GRID2: variants seen among roughly 807,000 people sequenced by gnomAD.
GRID2 encodes glutamate ionotropic receptor delta type subunit 2, also known as glutamate receptor ionotropic, delta-2.
GRID2 carries 33 observed loss-of-function variants against 114.8 expected under a neutral mutation model. The ratio of observed to expected loss-of-function variants is 0.29; its 90% CI spans 0.22 to 0.38. The LOEUF (loss-of-function observed/expected upper bound fraction) is 0.38, where lower values mean the gene tolerates loss of function less well. Among genes scored for constraint, GRID2 ranks in the 10% least tolerant of loss-of-function variants. The pLI is 1.00. For synonymous variants in GRID2, 505 were observed against 449.9 expected, an observed-to-expected ratio of 1.12 and a Z score of -1.55; for missense variants, 1,184 against 1,257.7, an observed-to-expected ratio of 0.94 and a Z score of 0.89.
At chr4:93,386,671 C>A (rs897148311) in intron 8 of GRID2, among the ~76,000 whole-genome samples, 5 of 152,148 alleles carry the variant, frequency 3.3e-5, no homozygotes, top group Non-Finnish European at 5.9e-5. Flanking sequence ...TTTTGGATAA[C>A]TGTCTTACTG....
chr4:92,977,372 G>A (rs1753942244), intron 2 of GRID2, among the ~76,000 whole-genome samples: 1 of 152,062 alleles, frequency 6.6e-6, no homozygotes, highest in South Asian at 2.1e-4. Context: ...GAAATACAAG[G>A]GTTCAAGGTT....
At chr4:93,604,275 T>C (rs963215328) in intron 13 of GRID2, among the ~76,000 whole-genome samples, 1 of 152,186 alleles carries the variant, frequency 6.6e-6, no homozygotes, top group South Asian at 2.1e-4. Context: ...CTTAACACTT[T>C]AGTAGAGGAA....
At chr4:92,581,997 T>C (rs916120745) in intron 1 of GRID2, among the ~76,000 whole-genome samples, 1 of 151,968 alleles carries the variant, frequency 6.6e-6, no homozygotes, top group African/African-American at 2.4e-5. Flanking sequence ...TGCTTTCCTA[T>C]AGGCTAACTA....
At chr4:93,597,250 CT>C (rs2149631583) in intron 13 of GRID2, among the ~76,000 whole-genome samples, 1 of 152,242 alleles carries the variant, frequency 6.6e-6, no homozygotes, top group African/African-American at 2.4e-5. Flanking sequence ...AATTAATTTA[CT>C]TTGTTGAGTC....
intron 2 of GRID2, among the ~76,000 whole-genome samples, chr4:93,068,640 A>T (rs1728526076): frequency 6.6e-6 from 1 of 151,868 alleles, no homozygotes; most frequent in Non-Finnish European, 1.5e-5. Context: ...TGCTTCTTTG[A>T]TATATATCCA....
chr4:93,648,886 G>C (rs1722344705), intron 14 of GRID2, among the ~76,000 whole-genome samples: 1 of 151,904 alleles, frequency 6.6e-6, no homozygotes, highest in Non-Finnish European at 1.5e-5. Context: ...AACACATACA[G>C]TTGCTACTAC....
intron 14 of GRID2, among the ~76,000 whole-genome samples, chr4:93,682,409 G>A (rs2110094765): frequency 6.6e-6 from 1 of 151,946 alleles, no homozygotes; most frequent in South Asian, 2.1e-4. Flanking sequence ...AATACCATTT[G>A]ACCCAGCCAT....
rs1252217556 is a variant in GRID2 at position 93,485,867 on chromosome 4, C to A, written c.1859-4772C>A. ...TATAAACTTTACATTCAGCTTCAAG[C>A]ACATTTACTTGTGCACACACACATA... On this transcript the variant is annotated intron_variant, in intron 11 of 15. Transcript: ENST00000282020. Among the ~76,000 whole-genome samples, 3 of 151,788 alleles carry A rather than the reference C, an allele frequency of 2.0e-5. No homozygotes were observed. In the East Asian group the frequency reaches 5.8e-4, roughly 30 times the overall value.
chr4:93,436,307 C>A lies in GRID2; in HGVS notation c.1545+13339C>A, dbSNP rs1047760186. ...CTTAGATTTCATCCTCTTATCTATC[C>A]CAACATAAACATAGATTCTCTTTTA... is the stretch of plus-strand genomic sequence containing the variant. On this transcript the variant is annotated intron_variant, in intron 10 of 15. Coordinates refer to ENST00000282020, the MANE Select transcript of GRID2 (RefSeq NM_001510.4). Among the ~76,000 whole-genome samples, 3 of 151,986 alleles carry A rather than the reference C, an allele frequency of 2.0e-5. No individual in the cohort carries two copies. In the East Asian group the frequency reaches 5.8e-4, roughly 29 times the overall value.
chr4:92,521,409 CAATT>C (rs1724771454), intron 1 of GRID2, among the ~76,000 whole-genome samples: 2 of 151,824 alleles, frequency 1.3e-5, no homozygotes, highest in Non-Finnish European at 2.9e-5. Context: ...ATAGTATCGA[CAATT>C]TATTTAAAAG....
intron 2 of GRID2, among the ~76,000 whole-genome samples, chr4:92,850,529 C>T (rs1412244533): frequency 6.6e-6 from 1 of 151,850 alleles, no homozygotes; most frequent in Non-Finnish European, 1.5e-5. Context: ...TAGAAGATCA[C>T]AGACATTCAT....
At chr4:92,938,945 G>A (rs575096990) in intron 2 of GRID2, among the ~76,000 whole-genome samples, 1 of 146,672 alleles carries the variant, frequency 6.8e-6, no homozygotes, top group Non-Finnish European at 1.5e-5. Flanking sequence ...GTGCCACATT[G>A]TCTTAATCCA....
intron 2 of GRID2, among the ~76,000 whole-genome samples, chr4:92,647,006 G>A (rs1731676113): frequency 6.6e-6 from 1 of 152,036 alleles, no homozygotes; most frequent in African/African-American, 2.4e-5. Flanking sequence ...GGTAGTAGCA[G>A]TACAACTTGT....
intron 2 of GRID2, among the ~76,000 whole-genome samples, chr4:92,689,726 T>C (rs1734084374): frequency 6.6e-6 from 1 of 152,154 alleles, no homozygotes; most frequent in African/African-American, 2.4e-5. Context: ...CCAAAAATAT[T>C]GGGGGTGGTT....
chr4:93,441,621 A>C (rs1721626469), intron 10 of GRID2, among the ~76,000 whole-genome samples: 1 of 151,988 alleles, frequency 6.6e-6, no homozygotes, highest in Non-Finnish European at 1.5e-5. Flanking sequence ...TCTAGCAATC[A>C]ATGTTCCAAC....
intron 1 of GRID2, among the ~76,000 whole-genome samples, chr4:92,518,964 G>T (rs1054182532): frequency 2.0e-5 from 3 of 151,756 alleles, no homozygotes; most frequent in Non-Finnish European, 4.4e-5. Flanking sequence ...ATATGAAATG[G>T]TTGATACTGG....
chr4:92,524,590 C>A (rs1724955839), intron 1 of GRID2, among the ~76,000 whole-genome samples: 1 of 151,508 alleles, frequency 6.6e-6, no homozygotes, highest in Admixed American at 6.6e-5. Context: ...TACATTGGAC[C>A]TCCCCGAAAA....
intron 2 of GRID2, among the ~76,000 whole-genome samples, chr4:92,974,862 A>C (rs1753755539): frequency 6.6e-6 from 1 of 151,956 alleles, no homozygotes; most frequent in African/African-American, 2.4e-5. Flanking sequence ...CAACAAAAAA[A>C]GTGTTGATTA....
chr4:92,309,360 A>C (rs1049056198), intron 1 of GRID2, among the ~76,000 whole-genome samples: 12 of 151,996 alleles, frequency 7.9e-5, no homozygotes, highest in Admixed American at 7.9e-4. Context: ...TAAGATATTC[A>C]CATTTCTATT....
Sources: gnomAD v4.1 joint callset for allele counts (sites outside exome capture counted in the v4.1 genomes callset) on GRCh38, gnomAD v4.1.1 for gene constraint, MANE v1.5 for transcripts, NCBI Gene and HGNC (gene_info 2026-07-23, HGNC 2026-07-21) for gene names.